Variants in RARB observed in about 807,000 individuals in gnomAD.
RARB encodes retinoic acid receptor beta, also known as HBV-activated protein.
Under a neutral mutation model 51.9 loss-of-function variants are expected in RARB, and 17 were observed. The ratio of observed to expected loss-of-function variants is 0.33; its 90% CI spans 0.22 to 0.49. The LOEUF (loss-of-function observed/expected upper bound fraction) is 0.49. Ranked by LOEUF, RARB falls within the 20% of genes least tolerant of loss-of-function variation. The probability of loss-of-function intolerance (pLI) is 0.99; values close to 1 mark genes in which losing one functional copy is unlikely to be tolerated. For missense variants in RARB, 369 were observed against 550.8 expected, an observed-to-expected ratio of 0.67 and a Z score of 3.30; for synonymous variants, 215 against 195.4, an observed-to-expected ratio of 1.10 and a Z score of -0.84.
At position 25,087,467 on chromosome 3, in the gene RARB, C is replaced by T. The variant is rs1376376148; in HGVS notation, c.-328+27291C>T. On this transcript the variant is annotated intron_variant, in intron 3 of 11. Coordinates refer to the RARB transcript ENST00000383772. ...CAAAACCAGAATCCATCATGTCTTC[C>T]TTGTATAGCCTTTTAGCCATGTAAC... Among the ~76,000 whole-genome samples the T allele has an allele frequency of 2.6e-5, 4 of 152,046 alleles. No individual in the cohort carries two copies. The East Asian group carries it at 7.7e-4, about 29-fold the overall frequency.
At chr3:24,928,703 C>T (rs574483697) in intron 2 of RARB, among the ~76,000 whole-genome samples, 1 of 151,986 alleles carries the variant, frequency 6.6e-6, no homozygotes, top group Non-Finnish European at 1.5e-5. Flanking sequence ...TATCCCTCCA[C>T]AGACAGATAC....
intron 3 of RARB, among the ~76,000 whole-genome samples, chr3:25,536,584 G>A (rs1479274496): frequency 2.0e-5 from 3 of 152,142 alleles, no homozygotes; most frequent in African/African-American, 7.2e-5. Flanking sequence ...TAAGATTTGT[G>A]GTTTCAAAAA....
At position 25,428,291 on chromosome 3, in the gene RARB, T is replaced by C. The variant is rs1575393436; in HGVS notation, c.-441T>C. ...ACAGAAGTAGTAGGAAGTGAGCTGT[T>C]CAGAGGCAGGAGGGTCTATTCTTTG... is the stretch of plus-strand genomic sequence containing the variant. On this transcript the variant is annotated 5_prime_UTR_variant, in exon 1 of 8. Coordinates refer to ENST00000330688, the MANE Select transcript of RARB (RefSeq NM_000965.5). The C allele has an allele frequency of 7.3e-6, 9 of 1,240,556 alleles. No individual in the cohort carries two copies. The East Asian group carries it at 2.8e-4, about 39-fold the overall frequency. The allele number at this position is 1,240,556 out of a possible 1,614,324, so 76.8% of individuals were successfully genotyped here. A position where few individuals can be genotyped will look rare whatever the true frequency, so the allele number is the denominator to read the frequency against.
At chr3:25,510,617 C>A (rs1298283507) in intron 3 of RARB, among the ~76,000 whole-genome samples, 2 of 151,136 alleles carry the variant, frequency 1.3e-5, no homozygotes, top group South Asian at 2.1e-4. Context: ...CACAGCAAGA[C>A]CCTGTCTCAA....
At chr3:25,014,451 T>G (rs956736427) in intron 2 of RARB, among the ~76,000 whole-genome samples, 4 of 152,054 alleles carry the variant, frequency 2.6e-5, no homozygotes, top group African/African-American at 9.7e-5. Flanking sequence ...AAACAAAGAT[T>G]TCAGGGAGGA....
chr3:25,238,313 G>A (rs978447847), intron 5 of RARB, among the ~76,000 whole-genome samples: 1 of 151,894 alleles, frequency 6.6e-6, no homozygotes, highest in South Asian at 2.1e-4. Context: ...TTCCATCCAC[G>A]TTGTTAAAAA....
Position 25,476,997 on chromosome 3 carries a change from C to G in RARB, c.306+15656C>G, listed in dbSNP as rs142553723. Among the ~76,000 whole-genome samples, 22 of 152,092 alleles carry G rather than the reference C, an allele frequency of 1.4e-4. 1 individual carries two copies. The highest frequency in any genetic ancestry group is 3.9e-4 in the African/African-American group (16 of 41,484). ...CTCAATAAACGTTTGTTGAATGACT[C>G]AATAATAAATAGTATGTAGAAGAGG... On this transcript the variant is annotated intron_variant, in intron 2 of 7. Coordinates refer to ENST00000330688, the MANE Select transcript of RARB (RefSeq NM_000965.5).
intron 3 of RARB, among the ~76,000 whole-genome samples, chr3:25,520,864 T>A (rs1698372443): frequency 6.6e-6 from 1 of 152,180 alleles, no homozygotes; most frequent in South Asian, 2.1e-4. Flanking sequence ...GCAAATTCCC[T>A]TAAGCCAGCA....
At chr3:25,135,707 C>A (rs905404470) in intron 4 of RARB, among the ~76,000 whole-genome samples, 2 of 151,738 alleles carry the variant, frequency 1.3e-5, no homozygotes, top group Non-Finnish European at 2.9e-5. Context: ...GCAAGTAGTG[C>A]ATTAAGTCAT....
chr3:24,939,748 C>A (rs758272307), intron 2 of RARB, among the ~76,000 whole-genome samples: 10 of 152,220 alleles, frequency 6.6e-5, no homozygotes, highest in Non-Finnish European at 1.3e-4. Context: ...CAATTACACT[C>A]TTCTGGGCTT....
chr3:25,364,634 G>C (rs942943560), intron 5 of RARB, among the ~76,000 whole-genome samples: 6 of 152,208 alleles, frequency 3.9e-5, no homozygotes, highest in Admixed American at 3.3e-4. Context: ...GAGAGCAATG[G>C]AAGACTTGTT....
intron 4 of RARB, among the ~76,000 whole-genome samples, chr3:25,577,183 G>T (rs182161962): frequency 5.3e-5 from 8 of 152,200 alleles, no homozygotes; most frequent in Non-Finnish European, 4.4e-5. Context: ...AACTGTGTGG[G>T]TGAATCCCAC....
chr3:24,939,454 A>G (rs1695613258), intron 2 of RARB, among the ~76,000 whole-genome samples: 2 of 152,180 alleles, frequency 1.3e-5, no homozygotes, highest in African/African-American at 4.8e-5. Flanking sequence ...TTTTAAATCT[A>G]GGTACAGTAC....
At chr3:24,915,481 T>G (rs9810222) in intron 2 of RARB, among the ~76,000 whole-genome samples, 96,032 of 152,050 alleles carry the variant, frequency 0.63, 31,680 homozygotes, top group African/African-American at 0.82. Flanking sequence ...ATGTGGCTAA[T>G]GGCTATCATA....
chr3:25,208,906 C>A (rs186034086), intron 5 of RARB, among the ~76,000 whole-genome samples: 2 of 152,212 alleles, frequency 1.3e-5, no homozygotes, highest in African/African-American at 4.8e-5. Context: ...TTTCCTCTTA[C>A]GAAGGAACTC....
intron 5 of RARB, among the ~76,000 whole-genome samples, chr3:25,213,143 G>C (rs1420086961): frequency 6.6e-6 from 1 of 152,014 alleles, no homozygotes; most frequent in African/African-American, 2.4e-5. Context: ...ATAGTTGAAA[G>C]AATTCACTGG....
chr3:25,115,128 C>G (rs1699664719), intron 3 of RARB, among the ~76,000 whole-genome samples: 1 of 152,114 alleles, frequency 6.6e-6, no homozygotes, highest in Non-Finnish European at 1.5e-5. Context: ...TTCATCAAAT[C>G]CTGATAGTCA....
chr3:25,405,895 A>G (rs998981741), intron 5 of RARB, among the ~76,000 whole-genome samples: 4 of 152,170 alleles, frequency 2.6e-5, no homozygotes, highest in African/African-American at 9.7e-5. Flanking sequence ...GGGGCAGGAC[A>G]CTAATGAGAA....
chr3:25,321,446 G>A (rs1250455994), intron 5 of RARB, among the ~76,000 whole-genome samples: 5 of 152,020 alleles, frequency 3.3e-5, no homozygotes, highest in African/African-American at 4.8e-5. Flanking sequence ...GGTCGGTCAC[G>A]GTGGCTCACA....
Sources: allele counts gnomAD v4.1 joint callset (sites outside exome capture counted in the v4.1 genomes callset), GRCh38; gene constraint gnomAD v4.1.1; transcripts MANE v1.5; gene names NCBI Gene and HGNC (gene_info 2026-07-23, HGNC 2026-07-21).